The following GAREM1 variants were observed in gnomAD, a reference collection of about 807,000 sequenced individuals.
The protein encoded by GAREM1 is GRB2-associated and regulator of MAPK protein 1.
GAREM1 carries 26 observed loss-of-function variants against 71.3 expected under a neutral mutation model. The ratio of observed to expected loss-of-function variants is 0.36; its 90% CI spans 0.27 to 0.51. The LOEUF (loss-of-function observed/expected upper bound fraction) is 0.51. Among genes scored for constraint, GAREM1 ranks in the 20% least tolerant of loss-of-function variants. The pLI is 0.95. For synonymous variants in GAREM1, 440 were observed against 433.2 expected, an observed-to-expected ratio of 1.02 and a Z score of -0.20; for missense variants, 1,026 against 1,103.1, an observed-to-expected ratio of 0.93 and a Z score of 0.99.
chr18:32,310,213 C>T lies in GAREM1; in HGVS notation c.373G>A (p.Asp125Asn). 4 of 1,614,086 alleles carry T rather than the reference C, an allele frequency of 2.5e-6. No individual in the cohort carries two copies. The highest frequency in any genetic ancestry group is 3.4e-6 in the Non-Finnish European group (4 of 1,179,986). ...AFPERVYVME[D>N]ITFNVKVASG... ...ACTACCTTCACGTTGAATGTGATAT[C>T]CTCCATGACGTACACGCGTTCAGGA... The change falls in exon 3 of 6, where the codon GAT (aspartate) becomes AAT (asparagine). Residue 125 changes from aspartate (D) to asparagine (N), a missense_variant. Physicochemically the swap from Asp to Asn is conservative, Grantham distance 23. Around this residue, in one of 3 missense-constraint regions of GAREM1, gnomAD observed 172 missense variants for 175.2 expected, o/e 0.98. Coordinates refer to ENST00000269209, the MANE Select transcript of GAREM1 (RefSeq NM_001242409.2).
At chr18:32,364,026 A>ATATATATATATTTTTTTTTTTTTTTTTTT (rs1336753011) in intron 2 of GAREM1, among the ~76,000 whole-genome samples, 2 of 46,418 alleles carry the variant, frequency 4.3e-5, no homozygotes, top group Non-Finnish European at 6.9e-5. Flanking sequence ...ATATATATAT[A>ATATATATATATTTTTTTTTTTTTTTTTTT]TGTTTTTTTT....
At chr18:32,292,159 T>C (rs564766117) in intron 3 of GAREM1, among the ~76,000 whole-genome samples, 9 of 152,324 alleles carry the variant, frequency 5.9e-5, no homozygotes, top group Admixed American at 2.6e-4. Flanking sequence ...ATCTGTTGTT[T>C]CCTGATTTTT....
chr18:32,382,964 C>T (rs1217525266), intron 2 of GAREM1, among the ~76,000 whole-genome samples: 2 of 152,120 alleles, frequency 1.3e-5, no homozygotes, highest in African/African-American at 4.8e-5. Context: ...CACTGAGAAA[C>T]GTATGGAATG....
At chr18:32,346,217 T>C (rs916034652) in intron 2 of GAREM1, among the ~76,000 whole-genome samples, 1 of 152,186 alleles carries the variant, frequency 6.6e-6, no homozygotes, top group Admixed American at 6.5e-5. Context: ...CCCATGTAAA[T>C]TGCCATGTTT....
At chr18:32,376,986 A>C (rs1314267782) in intron 2 of GAREM1, among the ~76,000 whole-genome samples, 1 of 152,244 alleles carries the variant, frequency 6.6e-6, no homozygotes, top group Non-Finnish European at 1.5e-5. Context: ...TGTTAGTTAC[A>C]AATTTATTTA....
intron 2 of GAREM1, among the ~76,000 whole-genome samples, chr18:32,386,890 T>A (rs952151175): frequency 3.9e-5 from 6 of 152,166 alleles, no homozygotes; most frequent in African/African-American, 1.4e-4. Flanking sequence ...AAGTTAGATC[T>A]CTGAGAATCT....
chr18:32,416,073 C>T (rs1447373782), intron 1 of GAREM1, among the ~76,000 whole-genome samples: 1 of 151,910 alleles, frequency 6.6e-6, no homozygotes, highest in Non-Finnish European at 1.5e-5. Flanking sequence ...TTTCTATATG[C>T]CAACAGTGAA....
chr18:32,410,937 G>C (rs1385984781), intron 1 of GAREM1, among the ~76,000 whole-genome samples: 1 of 152,036 alleles, frequency 6.6e-6, no homozygotes, highest in Non-Finnish European at 1.5e-5. Flanking sequence ...CAAGTAGATG[G>C]GATTACAGGT....
At chr18:32,304,215 G>A (rs1399801018) in intron 3 of GAREM1, among the ~76,000 whole-genome samples, 2 of 151,948 alleles carry the variant, frequency 1.3e-5, no homozygotes, top group African/African-American at 2.4e-5. Context: ...GCTGAGGCAG[G>A]AGAATCGCTT....
chr18:32,383,749 T>C (rs2048118377), intron 2 of GAREM1, among the ~76,000 whole-genome samples: 1 of 152,188 alleles, frequency 6.6e-6, no homozygotes, highest in South Asian at 2.1e-4. Flanking sequence ...TAAATGTAAG[T>C]ATAAAGAAAT....
intron 1 of GAREM1, among the ~76,000 whole-genome samples, chr18:32,466,173 CT>C (rs71384940): frequency 0.093 from 13,802 of 149,202 alleles, 891 homozygotes; most frequent in Admixed American, 0.21. Context: ...AATCTATATA[CT>C]TTTTTTTTTG....
chr18:32,426,201 G>A (rs981712133), intron 1 of GAREM1, among the ~76,000 whole-genome samples: 2 of 151,824 alleles, frequency 1.3e-5, no homozygotes, highest in African/African-American at 4.8e-5. Context: ...GGTATTTTTA[G>A]TAGAGATGGG....
intron 2 of GAREM1, among the ~76,000 whole-genome samples, chr18:32,323,596 A>G (rs889397747): frequency 6.6e-6 from 1 of 152,056 alleles, no homozygotes; most frequent in African/African-American, 2.4e-5. Flanking sequence ...GTAATCCCAG[A>G]TACTTGAGAG....
chr18:32,353,835 A>T (rs2047777495), intron 2 of GAREM1, among the ~76,000 whole-genome samples: 1 of 152,192 alleles, frequency 6.6e-6, no homozygotes, highest in African/African-American at 2.4e-5. Flanking sequence ...GGGAAGACTT[A>T]ATAGGAAGAA....
intron 2 of GAREM1, among the ~76,000 whole-genome samples, chr18:32,311,752 G>A (rs930235168): frequency 6.6e-6 from 1 of 152,234 alleles, no homozygotes; most frequent in Non-Finnish European, 1.5e-5. Flanking sequence ...GGGAAAGAAA[G>A]TTAGAGCAGT....
intron 2 of GAREM1, among the ~76,000 whole-genome samples, chr18:32,325,711 C>A (rs2047468596): frequency 6.6e-6 from 1 of 152,188 alleles, no homozygotes; most frequent in African/African-American, 2.4e-5. Flanking sequence ...GCTCCCAAAT[C>A]TTTGCACAAC....
chr18:32,408,736 CCT>C (rs1219672074), intron 1 of GAREM1, among the ~76,000 whole-genome samples: 3 of 152,074 alleles, frequency 2.0e-5, no homozygotes, highest in Non-Finnish European at 1.5e-5. Context: ...TTAGGAGCTC[CCT>C]GTTTTCTGAA....
At chr18:32,366,014 T>C (rs2047925905) in intron 2 of GAREM1, among the ~76,000 whole-genome samples, 1 of 152,112 alleles carries the variant, frequency 6.6e-6, no homozygotes, top group Non-Finnish European at 1.5e-5. Context: ...ATCAGTTCAG[T>C]TCCATCTCTC....
rs369544541 is a variant in GAREM1, at chr18:32,386,194, T to A, written c.262+6701A>T. Among the ~76,000 whole-genome samples, 40 of 152,332 alleles carry A rather than the reference T, an allele frequency of 2.6e-4. 1 individual carries two copies. In the South Asian group the frequency reaches 8.1e-3, roughly 31 times the overall value. On this transcript the variant is annotated intron_variant, in intron 2 of 5. Transcript: ENST00000269209. Reference sequence around the variant, plus strand: ...GTGTTGTTCAACACTAGTAGTTACTTTTATAAATGGATGATTCATGCTAAT... The same window carrying A: ...GTGTTGTTCAACACTAGTAGTTACTATTATAAATGGATGATTCATGCTAAT...
Sources: allele counts gnomAD v4.1 joint callset (sites outside exome capture counted in the v4.1 genomes callset), GRCh38; gene constraint gnomAD v4.1.1; regional missense constraint gnomAD v4.1.1; transcripts MANE v1.5; gene names NCBI Gene and HGNC (gene_info 2026-07-23, HGNC 2026-07-21).